FRRS1: variants seen among roughly 807,000 people sequenced by gnomAD.
The protein encoded by FRRS1 is ferric reductase 1.
In FRRS1, 51 loss-of-function variants were observed where a neutral mutation model predicts 70.7. That is an observed-to-expected ratio of 0.72 (90% CI 0.58 to 0.91). The LOEUF is 0.91. FRRS1 is among the 40% of genes least tolerant of loss of function. FRRS1 has a pLI of 0.00. For synonymous variants in FRRS1, 225 were observed against 238.7 expected, an observed-to-expected ratio of 0.94 and a Z score of 0.53; for missense variants, 672 against 726.0, an observed-to-expected ratio of 0.93 and a Z score of 0.86.
intron 1 of FRRS1, among the ~76,000 whole-genome samples, chr1:99,766,332 C>T (rs1463175494): frequency 6.6e-6 from 1 of 152,042 alleles, no homozygotes; most frequent in Non-Finnish European, 1.5e-5. Context: ...CAATGATTTT[C>T]AGGATCCCAA....
At chr1:99,764,257 A>G (rs765989126) in intron 1 of FRRS1, among the ~76,000 whole-genome samples, 6 of 152,242 alleles carry the variant, frequency 3.9e-5, no homozygotes, top group African/African-American at 7.2e-5. Flanking sequence ...TACATAACTT[A>G]AAAGGAAAAG....
chr1:99,718,011 T>C (rs1002306183), intron 10 of FRRS1, among the ~76,000 whole-genome samples: 7 of 152,348 alleles, frequency 4.6e-5, no homozygotes, highest in African/African-American at 1.7e-4. Context: ...AGGCACATTA[T>C]TTCTGAATCC....
intron 1 of FRRS1, among the ~76,000 whole-genome samples, chr1:99,753,493 C>T (rs898675894): frequency 3.3e-5 from 5 of 151,174 alleles, no homozygotes; most frequent in Non-Finnish European, 5.9e-5. Flanking sequence ...CCTGGCCGGG[C>T]GCGGTGGCTC....
intron 12 of FRRS1, among the ~76,000 whole-genome samples, chr1:99,712,935 A>G (rs1654345874): frequency 7.6e-6 from 1 of 131,244 alleles, no homozygotes; most frequent in South Asian, 2.2e-4. Context: ...TTAATCCACA[A>G]TTACTTTTGC....
At chr1:99,756,392 A>G (rs936038102) in intron 1 of FRRS1, among the ~76,000 whole-genome samples, 14 of 152,316 alleles carry the variant, frequency 9.2e-5, no homozygotes, top group African/African-American at 3.1e-4. Context: ...GTAAAAGGGT[A>G]TGATGACTGC....
rs1231840446 is a variant in FRRS1 at position 99,706,134 on chromosome 1, C to T, written c.*2894G>A. On this transcript the variant is annotated 3_prime_UTR_variant, in exon 17 of 17. Transcript: ENST00000646001. ...AGGTGCAATGGCTCATGCCTATAAT[C>T]CCAACACTTTGGGAGTCTGAGGCAA... Among the ~76,000 whole-genome samples the T allele has an allele frequency of 1.3e-5, 2 of 152,010 alleles. No individual in the cohort carries two copies. The highest frequency in any genetic ancestry group is 4.8e-5 in the African/African-American group (2 of 41,360).
intron 9 of FRRS1, among the ~76,000 whole-genome samples, chr1:99,721,153 G>A (rs572419052): frequency 3.3e-3 from 497 of 152,198 alleles, no homozygotes; most frequent in Non-Finnish European, 5.1e-3. Flanking sequence ...GGCTGAGGTG[G>A]GTGGATCACG....
chr1:99,741,052 A>G, intron 5 of FRRS1, 112 bp from the exon 6 acceptor site: 1 of 943,636 alleles, frequency 1.1e-6, no homozygotes, highest in Admixed American at 2.3e-5. Flanking sequence ...ATGACTTACT[A>G]CCTAACAGGA....
At chr1:99,750,348 A>G (rs997777200) in intron 1 of FRRS1, among the ~76,000 whole-genome samples, 1 of 152,236 alleles carries the variant, frequency 6.6e-6, no homozygotes, top group African/African-American at 2.4e-5. Context: ...ATTAAGAACA[A>G]ATTACAAGGC....
intron 6 of FRRS1, 62 bp from the exon 7 acceptor site, chr1:99,738,330 A>G: frequency 4.0e-6 from 5 of 1,252,610 alleles, no homozygotes; most frequent in Non-Finnish European, 5.6e-6. Flanking sequence ...ATTGGCAATG[A>G]CAGAAGAATA....
At chr1:99,746,356 T>C (rs1047364695) in intron 4 of FRRS1, among the ~76,000 whole-genome samples, 4 of 152,186 alleles carry the variant, frequency 2.6e-5, no homozygotes, top group Non-Finnish European at 4.4e-5. Context: ...TTGAAGATAC[T>C]ATCGTTATTA....
chr1:99,763,529 A>C (rs1657208912), intron 1 of FRRS1, among the ~76,000 whole-genome samples: 1 of 152,222 alleles, frequency 6.6e-6, no homozygotes, highest in Non-Finnish European at 1.5e-5. Flanking sequence ...ATATCTTAGT[A>C]AATTAAAAAT....
intron 1 of FRRS1, among the ~76,000 whole-genome samples, chr1:99,750,751 C>T (rs147901300): frequency 4.6e-5 from 7 of 150,782 alleles, no homozygotes; most frequent in East Asian, 1.9e-4. Context: ...AATGTGGAAT[C>T]GGAATTCCAG....
intron 7 of FRRS1, among the ~76,000 whole-genome samples, chr1:99,733,550 T>C (rs1410727787): frequency 6.6e-6 from 1 of 152,224 alleles, no homozygotes; most frequent in Non-Finnish European, 1.5e-5. Context: ...AGAAGCCTGC[T>C]TGAAAGGGCT....
chr1:99,742,080 C>A lies in FRRS1; in HGVS notation c.428+99G>T, dbSNP rs553208350. 2.6e-5 allele frequency: 19 copies of A among 732,206 alleles called. No individual in the cohort carries two copies. In the East Asian group the frequency reaches 4.6e-4, roughly 18 times the overall value. The allele number at this position is 732,206 out of a possible 1,614,324, so 45.4% of individuals were successfully genotyped here. A position where few individuals can be genotyped will look rare whatever the true frequency, so the allele number is the denominator to read the frequency against. On this transcript the variant is annotated intron_variant, in intron 5 of 16. Transcript: ENST00000646001. ...ATGTTGCCCAGGCCAGTCTCAAAAT[C>A]CTGGGCTCAAGTGATCCACCACCTT...
chr1:99,745,412 G>A (rs367652458), intron 4 of FRRS1, among the ~76,000 whole-genome samples: 1 of 152,136 alleles, frequency 6.6e-6, no homozygotes, highest in East Asian at 1.9e-4. Flanking sequence ...TGGCCGGCAC[G>A]GTGGGTCATG....
In FRRS1 at chr1:99,712,153, A is replaced by G. The variant is rs200663740; in HGVS notation, c.1432T>C (p.Phe478Leu). ...CCCATACTCCAATGAGTCCAGTTAA[A>G]CATTTGCCTTCTACCAAAATAAGAA... ...PPLHDPRRQMFNWTHWSMGTA... is the reference protein window; with the variant it reads ...PPLHDPRRQMLNWTHWSMGTA... Residue 478 changes from phenylalanine to leucine, a missense_variant, in exon 14 of 17, where the codon TTT becomes CTT. Coordinates refer to ENST00000646001, the MANE Select transcript of FRRS1 (RefSeq NM_001361041.2). 1 of 1,609,518 alleles carries G rather than the reference A, an allele frequency of 6.2e-7. No homozygotes were observed. Among genetic ancestry groups the G allele is most frequent in the East Asian group, 2.2e-5 (1 of 44,754 alleles).
chr1:99,736,719 T>C (rs4412612), intron 7 of FRRS1, among the ~76,000 whole-genome samples: 34,281 of 146,450 alleles, frequency 0.23, 6,606 homozygotes, highest in African/African-American at 0.52. Context: ...TGTATACATA[T>C]GTAACAAACC....
intron 12 of FRRS1, 101 bp downstream of exon 12, chr1:99,715,485 A>G (rs750873283): frequency 3.2e-5 from 23 of 714,118 alleles, no homozygotes; most frequent in South Asian, 3.0e-4. Context: ...AAGAGGGATC[A>G]ATGCTGAAAT....
Sources: gnomAD v4.1 joint callset for allele counts (sites outside exome capture counted in the v4.1 genomes callset) on GRCh38, gnomAD v4.1.1 for gene constraint, MANE v1.5 for transcripts, NCBI Gene and HGNC (gene_info 2026-07-23, HGNC 2026-07-21) for gene names.